ZNF883: variants seen among roughly 807,000 people sequenced by gnomAD.
ZNF883 encodes the protein zinc finger protein 883.
chr9:112,997,345 T>C, exon 1 of ZNF883: 1 of 1,613,944 alleles, frequency 6.2e-7, no homozygotes, highest in Non-Finnish European at 8.5e-7. Flanking sequence ...TTAGTGATGT[T>C]CTATAGCAAA....
At chr9:112,991,618 A>T (rs1017841696) in intron 1 of ZNF883, among the ~76,000 whole-genome samples, 5 of 151,990 alleles carry the variant, frequency 3.3e-5, no homozygotes, top group Non-Finnish European at 7.3e-5. Context: ...TCCAGAGGTG[A>T]GTTCAAGTCC....
chr9:112,998,520 G>A, upstream of ZNF883: 1 of 295,960 alleles, frequency 3.4e-6, no homozygotes, highest in Non-Finnish European at 6.2e-6. Flanking sequence ...CATGGTTTCA[G>A]TTATCCATGG....
At chr9:112,996,653 T>C (rs1828357341), downstream of ZNF883, among the ~76,000 whole-genome samples, 1 of 149,642 alleles carries the variant, frequency 6.7e-6, no homozygotes, top group Non-Finnish European at 1.5e-5. Flanking sequence ...TAGCCGGGCG[T>C]GGTAGCGGGC....
intron 2 of ZNF883, among the ~76,000 whole-genome samples, chr9:113,010,111 C>T (rs1307799087): frequency 6.6e-6 from 1 of 152,184 alleles, no homozygotes; most frequent in Non-Finnish European, 1.5e-5. Context: ...GTGTTATTCA[C>T]TGTTATATCC....
At chr9:113,008,937 A>G (rs1308003887) in intron 2 of ZNF883, among the ~76,000 whole-genome samples, 1 of 152,060 alleles carries the variant, frequency 6.6e-6, no homozygotes, top group Non-Finnish European at 1.5e-5. Context: ...AGGAAGCATG[A>G]GAGTGGAGAT....
At chr9:112,992,575 G>A (rs943452671), downstream of ZNF883, among the ~76,000 whole-genome samples, 15 of 152,104 alleles carry the variant, frequency 9.9e-5, no homozygotes, top group African/African-American at 3.4e-4. Flanking sequence ...ATCTTCTCAT[G>A]GAATATCTTA....
chr9:113,003,082 C>T (rs1233138547), upstream of ZNF883, among the ~76,000 whole-genome samples: 2 of 152,112 alleles, frequency 1.3e-5, no homozygotes, highest in Admixed American at 6.5e-5. Flanking sequence ...ACTAAGACAC[C>T]TTGTGATATG....
downstream of ZNF883, among the ~76,000 whole-genome samples, chr9:112,996,685 G>C (rs1828357687): frequency 6.7e-6 from 1 of 148,206 alleles, no homozygotes; most frequent in Non-Finnish European, 1.5e-5. Context: ...CAGCTACTCG[G>C]GAGGCTGAGG....
chr9:112,999,990 C>T (rs1828407674), upstream of ZNF883, among the ~76,000 whole-genome samples: 1 of 152,108 alleles, frequency 6.6e-6, no homozygotes, highest in Non-Finnish European at 1.5e-5. Context: ...TACCCTATTT[C>T]ACCTCATCCA....
At chr9:112,995,819 C>T (rs367589459), downstream of ZNF883, among the ~76,000 whole-genome samples, 51 of 152,136 alleles carry the variant, frequency 3.4e-4, no homozygotes, top group South Asian at 7.5e-3. Context: ...TGATTGACTT[C>T]GAGTATTTAA....
downstream of ZNF883, among the ~76,000 whole-genome samples, chr9:112,996,789 TCAAAAAAA>T (rs1828359702): frequency 1.4e-4 from 4 of 28,300 alleles, no homozygotes; most frequent in African/African-American, 6.2e-4. Flanking sequence ...AGACTCCGTC[TCAAAAAAA>T]AAAAAAAAAA....
chr9:113,006,413 T>C (rs1318317384), intron 2 of ZNF883, among the ~76,000 whole-genome samples: 1 of 152,194 alleles, frequency 6.6e-6, no homozygotes, highest in Non-Finnish European at 1.5e-5. Flanking sequence ...ACTATACATA[T>C]GGGGTGGCCC....
At chr9:113,003,682 C>CT (rs1828448520) in intron 2 of ZNF883, among the ~76,000 whole-genome samples, 1 of 151,840 alleles carries the variant, frequency 6.6e-6, no homozygotes. Context: ...AAACCATAAG[C>CT]AAGCTAAATA....
At chr9:113,011,199 T>TAA (rs796247836) in exon 2 of ZNF883, 7 of 152,192 alleles carry the variant, frequency 4.6e-5, no homozygotes, top group African/African-American at 1.7e-4. Flanking sequence ...CCATCTTATA[T>TAA]AAGTAAGTAG....
At chr9:112,994,840 TCTTC>T (rs1828333839), downstream of ZNF883, among the ~76,000 whole-genome samples, 1 of 152,158 alleles carries the variant, frequency 6.6e-6, no homozygotes, top group African/African-American at 2.4e-5. Flanking sequence ...ACAGTTTTTC[TCTTC>T]CTTTAAATTA....
chr9:113,008,346 C>A (rs1828498327), intron 2 of ZNF883, among the ~76,000 whole-genome samples: 1 of 152,018 alleles, frequency 6.6e-6, no homozygotes, highest in African/African-American at 2.4e-5. Context: ...TTTTAACATT[C>A]TAAGTAATGA....
At chr9:112,991,379 T>C (rs999929397) in intron 1 of ZNF883, among the ~76,000 whole-genome samples, 1 of 151,942 alleles carries the variant, frequency 6.6e-6, no homozygotes, top group Non-Finnish European at 1.5e-5. Context: ...TCAATTTCCA[T>C]GTAGTTGTGT....
At chr9:112,992,316 G>C (rs1472043430), downstream of ZNF883, among the ~76,000 whole-genome samples, 4 of 152,300 alleles carry the variant, frequency 2.6e-5, no homozygotes, top group South Asian at 8.3e-4. Flanking sequence ...GTCTGAAGAG[G>C]ATTTTATTTC....
exon 1 of ZNF883, chr9:112,997,434 G>T (rs749880472): frequency 5.6e-6 from 9 of 1,613,840 alleles, no homozygotes; most frequent in African/African-American, 1.3e-5. Context: ...TGTGTACTTC[G>T]ACTGAAGGTT....
Sources: gnomAD v4.1 joint callset for allele counts (sites outside exome capture counted in the v4.1 genomes callset) on GRCh38, gnomAD v4.1.1 for gene constraint, MANE v1.5 for transcripts, NCBI Gene and HGNC (gene_info 2026-07-23, HGNC 2026-07-21) for gene names.